Variants in HECW2 observed in about 807,000 individuals in gnomAD.
HECW2 encodes the protein E3 ubiquitin-protein ligase HECW2.
Under a neutral mutation model 175.2 loss-of-function variants are expected in HECW2, and 61 were observed. That is an observed-to-expected ratio of 0.35 (90% confidence interval 0.28 to 0.43). The LOEUF is 0.43. Among genes scored for constraint, HECW2 ranks in the 20% least tolerant of loss-of-function variants. The pLI, the probability that HECW2 is intolerant of heterozygous loss-of-function variation, is 1.00. For missense variants in HECW2, 1,524 were observed against 2,000.5 expected (o/e 0.76, Z 4.54); for synonymous variants, 671 against 731.0 (o/e 0.92, Z 1.32).
chr2:196,458,131 G>A (rs778343003), intron 1 of HECW2, among the ~76,000 whole-genome samples: 26 of 151,696 alleles, frequency 1.7e-4, no homozygotes, highest in Non-Finnish European at 3.1e-4. Flanking sequence ...TTAGCTGGGT[G>A]TGGCAGCACA....
intron 1 of HECW2, among the ~76,000 whole-genome samples, chr2:196,573,756 G>A (rs954320428): frequency 1.3e-5 from 2 of 151,878 alleles, no homozygotes; most frequent in African/African-American, 2.4e-5. Context: ...AGAACAGTTC[G>A]ACAAGAAAAA....
intron 11 of HECW2, 84 bp downstream of exon 11, chr2:196,307,851 G>A (rs1691326830): frequency 7.9e-7 from 1 of 1,270,982 alleles, no homozygotes; most frequent in Non-Finnish European, 1.0e-6. Flanking sequence ...AGATCAAAGA[G>A]ACAACCATGT....
chr2:196,573,058 C>T (rs1253077438), intron 1 of HECW2, among the ~76,000 whole-genome samples: 2 of 152,018 alleles, frequency 1.3e-5, no homozygotes, highest in African/African-American at 2.4e-5. Context: ...GGTGGAAAAA[C>T]AGATGACAAA....
At chr2:196,235,493 T>C (rs186576368) in intron 21 of HECW2, among the ~76,000 whole-genome samples, 76 of 152,250 alleles carry the variant, frequency 5.0e-4, no homozygotes, top group Admixed American at 2.9e-3. Flanking sequence ...TGTAAATTTC[T>C]GACTATAAAT....
At chr2:196,495,129 G>T (rs374387386) in intron 1 of HECW2, among the ~76,000 whole-genome samples, 1 of 151,436 alleles carries the variant, frequency 6.6e-6, no homozygotes, top group Non-Finnish European at 1.5e-5. Context: ...GTGCAATGGC[G>T]TGATCTTGGC....
At chr2:196,359,055 C>T (rs1201924464) in intron 2 of HECW2, among the ~76,000 whole-genome samples, 1 of 152,206 alleles carries the variant, frequency 6.6e-6, no homozygotes, top group Non-Finnish European at 1.5e-5. Context: ...TAGTGTTCAA[C>T]TTGAGAATCT....
chr2:196,464,120 C>T (rs1405661450), intron 1 of HECW2, among the ~76,000 whole-genome samples: 1 of 151,586 alleles, frequency 6.6e-6, no homozygotes, highest in Non-Finnish European at 1.5e-5. Context: ...CCATTATCAT[C>T]TCAACTGCTT....
chr2:196,516,712 G>C (rs548592953), intron 1 of HECW2, among the ~76,000 whole-genome samples: 3 of 152,216 alleles, frequency 2.0e-5, no homozygotes, highest in African/African-American at 7.2e-5. Flanking sequence ...TTTTCCCTAG[G>C]GCCATATTTT....
At chr2:196,485,467 G>A (rs1016491686) in intron 1 of HECW2, among the ~76,000 whole-genome samples, 2 of 152,198 alleles carry the variant, frequency 1.3e-5, no homozygotes, top group African/African-American at 2.4e-5. Flanking sequence ...TGTCTAGTGA[G>A]GGCAAGGTCT....
chr2:196,301,722 A>ATTTTTTTTTTTTTTTTTTTTTTTT (rs1559022815), intron 13 of HECW2, among the ~76,000 whole-genome samples: 1 of 117,386 alleles, frequency 8.5e-6, no homozygotes, highest in South Asian at 2.7e-4. Context: ...TTTTAATGGG[A>ATTTTTTTTTTTTTTTTTTTTTTTT]TTGTTTTTTT....
chr2:196,551,923 C>CA (rs926736234), intron 1 of HECW2, among the ~76,000 whole-genome samples: 1 of 152,198 alleles, frequency 6.6e-6, no homozygotes, highest in African/African-American at 2.4e-5. Flanking sequence ...AATACTTCTT[C>CA]ATTTTATTTT....
intron 1 of HECW2, among the ~76,000 whole-genome samples, chr2:196,586,306 A>G (rs1446471924): frequency 6.6e-6 from 1 of 152,232 alleles, no homozygotes; most frequent in African/African-American, 2.4e-5. Flanking sequence ...CCACGGGCTA[A>G]GCATATGACT....
At chr2:196,244,385 A>G (rs1688571660) in intron 19 of HECW2, among the ~76,000 whole-genome samples, 3 of 152,228 alleles carry the variant, frequency 2.0e-5, no homozygotes, top group African/African-American at 7.2e-5. Flanking sequence ...ACATTTACAA[A>G]TTAAATTTCA....
intron 15 of HECW2, among the ~76,000 whole-genome samples, chr2:196,278,149 T>TATATATATATATATATAA (rs1481136211): frequency 8.4e-6 from 1 of 119,590 alleles, no homozygotes; most frequent in African/African-American, 2.8e-5. Context: ...TATATATATA[T>TATATATATATATATATAA]ATAAAGAAAT....
At chr2:196,272,986 T>C (rs11899057) in intron 16 of HECW2, among the ~76,000 whole-genome samples, 40,938 of 150,982 alleles carry the variant, frequency 0.27, 5,925 homozygotes, top group African/African-American at 0.38. Flanking sequence ...TTGAATTTCA[T>C]GACATTTTTT....
chr2:196,354,962 T>C (rs1693309836), intron 2 of HECW2, among the ~76,000 whole-genome samples: 1 of 152,224 alleles, frequency 6.6e-6, no homozygotes, highest in Admixed American at 6.5e-5. Context: ...AGAACATTTC[T>C]AAATTAAGAT....
intron 23 of HECW2, among the ~76,000 whole-genome samples, chr2:196,224,353 A>G (rs1687774404): frequency 6.6e-6 from 1 of 152,134 alleles, no homozygotes; most frequent in Non-Finnish European, 1.5e-5. Context: ...GCTACACCTT[A>G]AGGGAGATCA....
intron 7 of HECW2, among the ~76,000 whole-genome samples, chr2:196,321,275 G>C (rs1234747852): frequency 3.3e-5 from 5 of 152,168 alleles, no homozygotes; most frequent in Admixed American, 6.5e-5. Flanking sequence ...CCTGAAGGAT[G>C]GAGTTTTCCA....
chr2:196,465,845 A>G (rs533878288), intron 1 of HECW2, among the ~76,000 whole-genome samples: 9 of 152,060 alleles, frequency 5.9e-5, no homozygotes, highest in African/African-American at 1.4e-4. Flanking sequence ...ATTCCACTGG[A>G]TGTACAATGC....
Sources: allele counts gnomAD v4.1 joint callset (sites outside exome capture counted in the v4.1 genomes callset), GRCh38; gene constraint gnomAD v4.1.1; transcripts MANE v1.5; gene names NCBI Gene and HGNC (gene_info 2026-07-23, HGNC 2026-07-21).